The following ESR1 variants were observed in gnomAD, a reference collection of about 807,000 sequenced individuals.
ESR1 encodes the protein estrogen receptor 1, also known as estrogen receptor.
In ESR1, 12 loss-of-function variants were observed where a neutral mutation model predicts 52.7. The observed-to-expected ratio is 0.23, with a 90% CI of 0.15 to 0.37. The LOEUF is 0.37. ESR1 is among the 10% of genes least tolerant of loss of function. The probability of loss-of-function intolerance (pLI) is 1.00; values close to 1 mark genes in which losing one functional copy is unlikely to be tolerated. For missense variants in ESR1, 584 were observed against 779.7 expected, an observed-to-expected ratio of 0.75 and a Z score of 2.99; for synonymous variants, 305 against 316.8, an observed-to-expected ratio of 0.96 and a Z score of 0.39.
chr6:151,886,602 C>A (rs1040181278), intron 3 of ESR1, among the ~76,000 whole-genome samples: 1 of 152,172 alleles, frequency 6.6e-6, no homozygotes, highest in Admixed American at 6.5e-5. Flanking sequence ...CAATGAAACA[C>A]TGGAAAATAA....
At chr6:151,986,714 T>G (rs1190231067) in intron 4 of ESR1, among the ~76,000 whole-genome samples, 1 of 152,142 alleles carries the variant, frequency 6.6e-6, no homozygotes, top group Non-Finnish European at 1.5e-5. Flanking sequence ...TGGAAACCAT[T>G]TTGACCAGTT....
At chr6:151,980,495 G>A (rs1234345732) in intron 4 of ESR1, among the ~76,000 whole-genome samples, 1 of 152,036 alleles carries the variant, frequency 6.6e-6, no homozygotes, top group Non-Finnish European at 1.5e-5. Flanking sequence ...TTGTTTGTTT[G>A]TTTGAACAAA....
chr6:151,894,444 G>C lies in ESR1; in HGVS notation c.760+13673G>C, dbSNP rs183418484. Among the ~76,000 whole-genome samples the C allele has an allele frequency of 3.0e-4, 45 of 151,892 alleles. No individual in the cohort carries two copies. The East Asian group carries it at 8.5e-3, about 29-fold the overall frequency. The stretch of plus-strand genomic sequence containing the variant: ...TTGTTGCATTTGCTTTTGGGTTTTT[G>C]GTCATAAAATCCTTGCCTAAGCCCA... On this transcript the variant is annotated intron_variant, in intron 3 of 7. Transcript: ENST00000206249.
At chr6:152,006,372 G>A (rs1452608307) in intron 4 of ESR1, among the ~76,000 whole-genome samples, 1 of 151,872 alleles carries the variant, frequency 6.6e-6, no homozygotes. Flanking sequence ...ATATAAGAGA[G>A]TCCAAACATT....
At chr6:151,772,144 G>A (rs1010069279) in intron 2 of ESR1, among the ~76,000 whole-genome samples, 1 of 152,178 alleles carries the variant, frequency 6.6e-6, no homozygotes, top group Non-Finnish European at 1.5e-5. Flanking sequence ...GTACACACCC[G>A]TAGTTGCTGG....
intron 2 of ESR1, among the ~76,000 whole-genome samples, chr6:151,735,960 C>T (rs1244016414): frequency 6.6e-6 from 1 of 152,164 alleles, no homozygotes; most frequent in South Asian, 2.1e-4. Context: ...GTCACTCTCA[C>T]CTGCCGCCAT....
intron 1 of ESR1, among the ~76,000 whole-genome samples, chr6:151,684,380 T>C (rs1562327642): frequency 1.3e-5 from 2 of 152,170 alleles, no homozygotes; most frequent in Non-Finnish European, 2.9e-5. Flanking sequence ...GTAAGTGGTT[T>C]GTGCTTAATT....
intron 4 of ESR1, among the ~76,000 whole-genome samples, chr6:152,010,489 A>G (rs1368012162): frequency 6.6e-6 from 1 of 152,068 alleles, no homozygotes; most frequent in African/African-American, 2.4e-5. Context: ...AAGGGAAGGA[A>G]ACAGACTATG....
At chr6:151,821,599 C>G (rs1349604708) in intron 1 of ESR1, among the ~76,000 whole-genome samples, 3 of 152,158 alleles carry the variant, frequency 2.0e-5, no homozygotes, top group African/African-American at 7.2e-5. Context: ...TGTCTCCTTT[C>G]AGATTTCTGA....
chr6:151,840,024 G>A (rs1784029706), intron 1 of ESR1, among the ~76,000 whole-genome samples: 1 of 152,118 alleles, frequency 6.6e-6, no homozygotes, highest in Admixed American at 6.6e-5. Context: ...GAAGATACTT[G>A]ACACATTGGA....
chr6:151,984,946 C>T (rs2040316715), intron 4 of ESR1, among the ~76,000 whole-genome samples: 1 of 152,074 alleles, frequency 6.6e-6, no homozygotes, highest in Non-Finnish European at 1.5e-5. Context: ...TTTAATTTTG[C>T]ACAACTAATT....
At chr6:152,034,602 T>C (rs2045108388) in intron 5 of ESR1, among the ~76,000 whole-genome samples, 1 of 152,138 alleles carries the variant, frequency 6.6e-6, no homozygotes, top group South Asian at 2.1e-4. Context: ...CCTCACCATA[T>C]CATTTCTGAG....
intron 2 of ESR1, among the ~76,000 whole-genome samples, chr6:151,721,381 AAGAC>A (rs1301145038): frequency 1.3e-5 from 2 of 152,182 alleles, no homozygotes; most frequent in African/African-American, 2.4e-5. Context: ...TCAGGCTACT[AAGAC>A]AGAAATAACA....
At chr6:151,779,947 A>G (rs568366697) in intron 2 of ESR1, among the ~76,000 whole-genome samples, 20 of 151,386 alleles carry the variant, frequency 1.3e-4, no homozygotes, top group African/African-American at 4.9e-4. Context: ...TACACCATGG[A>G]ATACTATGCA....
intron 3 of ESR1, among the ~76,000 whole-genome samples, chr6:151,885,803 C>G (rs575287162): frequency 6.6e-6 from 1 of 152,030 alleles, no homozygotes; most frequent in Non-Finnish European, 1.5e-5. Context: ...TGCAGTGAGC[C>G]GAGATTGCAC....
chr6:152,129,161 G>T (rs978588083), exon 7 of ESR1: 2 of 152,212 alleles, frequency 1.3e-5, no homozygotes, highest in African/African-American at 4.8e-5. Context: ...AAGAAACGAT[G>T]CCTTCGACAT....
chr6:151,810,470 T>G (rs1305751138), intron 1 of ESR1, among the ~76,000 whole-genome samples: 1 of 152,186 alleles, frequency 6.6e-6, no homozygotes, highest in Admixed American at 6.5e-5. Context: ...ATTTTTCCCC[T>G]CTCAGTTTTT....
intron 6 of ESR1, among the ~76,000 whole-genome samples, chr6:152,111,403 G>A (rs2051134720): frequency 6.6e-6 from 1 of 152,190 alleles, no homozygotes; most frequent in Non-Finnish European, 1.5e-5. Context: ...GTCGCCCCAA[G>A]GGTTGCAGGA....
chr6:152,007,496 G>C (rs1562661743), intron 4 of ESR1, among the ~76,000 whole-genome samples: 1 of 151,976 alleles, frequency 6.6e-6, no homozygotes, highest in Non-Finnish European at 1.5e-5. Flanking sequence ...GGTGAGGAGT[G>C]AGCATTTTAA....
Sources: allele counts gnomAD v4.1 joint callset (sites outside exome capture counted in the v4.1 genomes callset), GRCh38; gene constraint gnomAD v4.1.1; transcripts MANE v1.5; gene names NCBI Gene and HGNC (gene_info 2026-07-23, HGNC 2026-07-21).